The following TNIP3 variants were observed in gnomAD, a reference collection of about 807,000 sequenced individuals.
TNIP3 encodes TNFAIP3-interacting protein 3.
A neutral mutation model predicts 54.1 loss-of-function variants in TNIP3; 34 were observed. That is an observed-to-expected ratio of 0.63 (90% CI 0.48 to 0.84). TNIP3 has a LOEUF of 0.84. TNIP3 is among the 40% of genes least tolerant of loss of function. TNIP3 has a pLI of 0.00. For synonymous variants in TNIP3, 134 were observed against 136.8 expected (o/e 0.98, Z 0.14); for missense variants, 366 against 387.6 (o/e 0.94, Z 0.47).
chr4:121,154,561 C>A lies in TNIP3; in HGVS notation c.482G>T (p.Arg161Leu). 2 of 1,613,654 alleles carry A rather than the reference C, an allele frequency of 1.2e-6. No homozygotes were observed. Among genetic ancestry groups the A allele is most frequent in the Middle Eastern group, 1.7e-4 (1 of 6,056 alleles). The change falls in exon 5 of 11, where the codon CGC (arginine) becomes CTC (leucine). Residue 161 changes from arginine to leucine, a missense_variant. Coordinates refer to ENST00000057513, the MANE Select transcript of TNIP3 (RefSeq NM_024873.6). Reference sequence around the variant, plus strand: ...TGACCTGACTGATACCTTATTGAGGCGTTTTATTTCACATTCGTAATGTTC... The same window carrying A: ...TGACCTGACTGATACCTTATTGAGGAGTTTTATTTCACATTCGTAATGTTC... Reference protein sequence around the residue: ...EKEHYECEIKRLNKALQDALN... With the variant: ...EKEHYECEIKLLNKALQDALN...
At position 121,142,794 on chromosome 4, in the gene TNIP3, G is replaced by T. The variant is rs186014354; in HGVS notation, c.736-18C>A. The T allele has an allele frequency of 6.2e-7, 1 of 1,605,418 alleles. No individual in the cohort carries two copies. The highest frequency in any genetic ancestry group is 1.3e-5 in the African/African-American group (1 of 74,764). ...GCTTTTATCTAAAGACAAAACAAAG[G>T]CATTTGTTAATCAAGACAAGTTAAA... On this transcript the variant is annotated intron_variant, in intron 7 of 10. Coordinates refer to ENST00000057513, the MANE Select transcript of TNIP3 (RefSeq NM_024873.6).
chr4:121,181,674 C>A (rs187044541), intron 3 of TNIP3, among the ~76,000 whole-genome samples: 1 of 150,740 alleles, frequency 6.6e-6, no homozygotes. Context: ...AGAGGTATCC[C>A]AAATGCTAAG....
intron 10 of TNIP3, among the ~76,000 whole-genome samples, chr4:121,134,655 G>A (rs544515522): frequency 6.6e-6 from 1 of 152,148 alleles, no homozygotes; most frequent in Non-Finnish European, 1.5e-5. Flanking sequence ...AAAGCATTCT[G>A]AAATAACCAC....
At chr4:121,224,790 C>T (rs1003001939) in intron 1 of TNIP3, among the ~76,000 whole-genome samples, 4 of 151,888 alleles carry the variant, frequency 2.6e-5, no homozygotes, top group Non-Finnish European at 5.9e-5. Context: ...TTTTGCCTTT[C>T]GTAATTTAAA....
chr4:121,154,391 G>C, intron 5 of TNIP3, 160 bp downstream of exon 5: 2 of 911,082 alleles, frequency 2.2e-6, no homozygotes, highest in South Asian at 3.1e-5. Context: ...ATGACTGAAA[G>C]CTGCAGCTAG....
chr4:121,167,324 G>A (rs1176679035), upstream of TNIP3, among the ~76,000 whole-genome samples: 1 of 152,094 alleles, frequency 6.6e-6, no homozygotes, highest in African/African-American at 2.4e-5. Flanking sequence ...GAATGATAGA[G>A]ACAATAAAGC....
upstream of TNIP3, among the ~76,000 whole-genome samples, chr4:121,220,782 C>A (rs1036835581): frequency 1.7e-4 from 26 of 152,038 alleles, no homozygotes; most frequent in African/African-American, 6.3e-4. Flanking sequence ...ATTCAGCGTG[C>A]CTTAAGTGCC....
chr4:121,189,077 T>C (rs367865335), intron 2 of TNIP3, among the ~76,000 whole-genome samples: 1 of 152,170 alleles, frequency 6.6e-6, no homozygotes. Context: ...AACCACAGTC[T>C]TAGAAATAAC....
upstream of TNIP3, among the ~76,000 whole-genome samples, chr4:121,169,205 G>A (rs1430384246): frequency 2.0e-5 from 3 of 152,124 alleles, no homozygotes; most frequent in Non-Finnish European, 4.4e-5. Context: ...AGGCCTCTCT[G>A]ACCTCATTCT....
chr4:121,136,584 C>T (rs1462586575), intron 10 of TNIP3: 1 of 152,048 alleles, frequency 6.6e-6, no homozygotes, highest in African/African-American at 2.4e-5. Context: ...GTGGCTCACA[C>T]CTGAAATTTC....
intron 1 of TNIP3, among the ~76,000 whole-genome samples, chr4:121,227,209 C>A (rs186776972): frequency 2.6e-4 from 40 of 152,282 alleles, no homozygotes; most frequent in Admixed American, 1.1e-3. Context: ...TATCTTATTT[C>A]TCACCGGGAA....
At chr4:121,225,239 T>G (rs1030309526) in intron 1 of TNIP3, among the ~76,000 whole-genome samples, 17 of 152,310 alleles carry the variant, frequency 1.1e-4, no homozygotes, top group Admixed American at 9.8e-4. Context: ...CATCCAAGGT[T>G]TTTTACATAC....
intron 1 of TNIP3, among the ~76,000 whole-genome samples, chr4:121,163,585 T>C (rs937872545): frequency 6.6e-6 from 1 of 152,180 alleles, no homozygotes; most frequent in Non-Finnish European, 1.5e-5. Flanking sequence ...TGAATAGAAG[T>C]TTCCATTTAG....
At chr4:121,191,775 C>G (rs1457791442) in intron 2 of TNIP3, among the ~76,000 whole-genome samples, 3 of 152,164 alleles carry the variant, frequency 2.0e-5, no homozygotes, top group Non-Finnish European at 4.4e-5. Flanking sequence ...CAAAACACTA[C>G]TATCTTAAAA....
intron 9 of TNIP3, among the ~76,000 whole-genome samples, chr4:121,140,652 A>G (rs893867996): frequency 1.3e-5 from 2 of 151,882 alleles, no homozygotes; most frequent in African/African-American, 4.8e-5. Flanking sequence ...AGGTTAATTC[A>G]CTCCTACAGT....
chr4:121,144,799 T>A (rs1283478863), intron 7 of TNIP3, among the ~76,000 whole-genome samples: 1 of 152,234 alleles, frequency 6.6e-6, no homozygotes, highest in African/African-American at 2.4e-5. Context: ...TAAAAGAGGT[T>A]AAGGAACTTA....
chr4:121,218,788 C>A (rs373711484), upstream of TNIP3, among the ~76,000 whole-genome samples: 1 of 131,384 alleles, frequency 7.6e-6, no homozygotes, highest in East Asian at 1.9e-4. Flanking sequence ...GCTGGGACTC[C>A]TGGGCTCAAG....
intron 2 of TNIP3, among the ~76,000 whole-genome samples, chr4:121,196,883 T>G (rs1170694231): frequency 6.6e-6 from 1 of 152,100 alleles, no homozygotes; most frequent in Admixed American, 6.5e-5. Flanking sequence ...TACTGTTTTA[T>G]ATTTTATTTT....
intron 5 of TNIP3, among the ~76,000 whole-genome samples, chr4:121,151,074 A>G (rs978748082): frequency 2.0e-5 from 3 of 152,238 alleles, no homozygotes; most frequent in Admixed American, 1.3e-4. Flanking sequence ...CATTGCCTCT[A>G]TTTTGAAGAC....
Sources: allele counts gnomAD v4.1 joint callset (sites outside exome capture counted in the v4.1 genomes callset), GRCh38; gene constraint gnomAD v4.1.1; transcripts MANE v1.5; gene names NCBI Gene and HGNC (gene_info 2026-07-23, HGNC 2026-07-21).